KCNJ1: variants seen among roughly 807,000 people sequenced by gnomAD.
The protein encoded by KCNJ1 is potassium inwardly rectifying channel subfamily J member 1.
In KCNJ1, 24 loss-of-function variants were observed where a neutral mutation model predicts 21.9. The ratio of observed to expected loss-of-function variants is 1.10; its 90% CI spans 0.79 to 1.54. The LOEUF (loss-of-function observed/expected upper bound fraction) is 1.54. Among genes scored for constraint, KCNJ1 ranks in the 40% most tolerant of loss-of-function variants. The pLI is 0.00. For synonymous variants in KCNJ1, 152 were observed against 160.9 expected (o/e 0.94, Z 0.42); for missense variants, 457 against 455.4 (o/e 1.00, Z -0.03).
chr11:128,852,951 C>T (rs544374001), intron 1 of KCNJ1, among the ~76,000 whole-genome samples: 5 of 152,384 alleles, frequency 3.3e-5, no homozygotes, highest in South Asian at 2.1e-4. Context: ...GGCCTGCTGA[C>T]GCACTTTCTC....
At chr11:128,846,584 G>C (rs1943383955) in intron 2 of KCNJ1, among the ~76,000 whole-genome samples, 3 of 152,168 alleles carry the variant, frequency 2.0e-5, no homozygotes, top group Admixed American at 1.3e-4. Flanking sequence ...CGCAACAGAA[G>C]ATCTGGAAAA....
chr11:128,860,618 G>A (rs903770471), intron 1 of KCNJ1, among the ~76,000 whole-genome samples: 2 of 152,220 alleles, frequency 1.3e-5, no homozygotes, highest in Non-Finnish European at 2.9e-5. Flanking sequence ...GGTGGGCCTT[G>A]TAACCCACAT....
intron 2 of KCNJ1, among the ~76,000 whole-genome samples, chr11:128,849,793 C>G (rs964137587): frequency 1.3e-5 from 2 of 152,192 alleles, no homozygotes; most frequent in African/African-American, 4.8e-5. Context: ...TTAGGGACAT[C>G]TGTAGGCCTC....
chr11:128,841,931 GATGGTGC>G (rs1943289762), intron 2 of KCNJ1, among the ~76,000 whole-genome samples: 1 of 152,204 alleles, frequency 6.6e-6, no homozygotes, highest in Non-Finnish European at 1.5e-5. Flanking sequence ...AGGATTAGGG[GATGGTGC>G]ATGTGAGGTA....
chr11:128,860,242 A>G (rs1943679396), intron 1 of KCNJ1, among the ~76,000 whole-genome samples: 1 of 152,254 alleles, frequency 6.6e-6, no homozygotes, highest in African/African-American at 2.4e-5. Context: ...GCGACACTAT[A>G]GAAACATGAC....
intron 1 of KCNJ1, among the ~76,000 whole-genome samples, chr11:128,864,180 G>A (rs965224719): frequency 4.3e-5 from 6 of 138,838 alleles, no homozygotes; most frequent in Non-Finnish European, 6.1e-5. Context: ...TCCGCCTCCC[G>A]GGTTCAAGCA....
chr11:128,846,050 C>T (rs1263524861), intron 2 of KCNJ1, among the ~76,000 whole-genome samples: 1 of 152,154 alleles, frequency 6.6e-6, no homozygotes, highest in Admixed American at 6.6e-5. Flanking sequence ...ATAACTTGTC[C>T]TTTTGTGCAC....
chr11:128,855,919 C>G (rs1294834747), intron 1 of KCNJ1, among the ~76,000 whole-genome samples: 1 of 152,224 alleles, frequency 6.6e-6, no homozygotes, highest in Non-Finnish European at 1.5e-5. Context: ...CTGCCAGACC[C>G]AAGGACGGTA....
In KCNJ1 at chr11:128,850,892, T is replaced by A. The variant is rs1943468381; in HGVS notation, c.-191-2A>T. 1 of 985,110 alleles carries A rather than the reference T, an allele frequency of 1.0e-6. No individual in the cohort carries two copies. The highest frequency in any genetic ancestry group is 6.2e-5 in the Admixed American group (1 of 16,260). The allele number at this position is 985,110 out of a possible 1,614,324, so 61.0% of individuals were successfully genotyped here. ...ATGAAGGCACAGTAGAGAAGAAACC[T>A]GGTAAAATACAACACATATGGCTAC... is the stretch of plus-strand genomic sequence containing the variant. On this transcript the variant is annotated splice_acceptor_variant, in intron 1 of 2. Transcript: ENST00000392666. LOFTEE classifies it low-confidence loss of function (5UTR_SPLICE).
At chr11:128,855,107 T>C (rs1943562409) in intron 1 of KCNJ1, among the ~76,000 whole-genome samples, 1 of 152,102 alleles carries the variant, frequency 6.6e-6, no homozygotes. Flanking sequence ...AAACAAAAAA[T>C]AGTTGCTAAG....
At chr11:128,849,874 G>A (rs1240518823) in intron 2 of KCNJ1, among the ~76,000 whole-genome samples, 1 of 152,118 alleles carries the variant, frequency 6.6e-6, no homozygotes, top group Non-Finnish European at 1.5e-5. Flanking sequence ...GGGAAGAGGA[G>A]GCAACACCTC....
intron 1 of KCNJ1, among the ~76,000 whole-genome samples, chr11:128,853,787 C>T (rs1046766088): frequency 1.3e-5 from 2 of 152,236 alleles, no homozygotes; most frequent in Admixed American, 6.5e-5. Context: ...GTTGGAACCT[C>T]GGCTGAACTC....
At chr11:128,859,475 C>G (rs1943658077) in intron 1 of KCNJ1, among the ~76,000 whole-genome samples, 2 of 152,218 alleles carry the variant, frequency 1.3e-5, no homozygotes, top group African/African-American at 4.8e-5. Context: ...CCTTGAACTC[C>G]TGGCCTCCAG....
intron 2 of KCNJ1, among the ~76,000 whole-genome samples, chr11:128,841,768 G>GA (rs970969374): frequency 6.6e-6 from 1 of 152,170 alleles, no homozygotes; most frequent in African/African-American, 2.4e-5. Flanking sequence ...GCGGTGATGA[G>GA]AAAACCACAG....
In KCNJ1 at chr11:128,848,467, C is replaced by T. The variant is rs188458565; in HGVS notation, c.-22+2254G>A. Among the ~76,000 whole-genome samples the T allele has an allele frequency of 3.0e-3, 463 of 152,198 alleles. 4 individuals carry two copies. Among genetic ancestry groups the T allele is most frequent in the African/African-American group, 0.011 (438 of 41,526 alleles). The stretch of plus-strand genomic sequence containing the variant: ...TCAGCCTCCCAAAGTGCTGAGATTA[C>T]GGGTGTGAGCCACCATGCCTGGCCT... On this transcript the variant is annotated intron_variant, in intron 2 of 2. Transcript: ENST00000392666.
chr11:128,844,412 A>T (rs1203983013), intron 2 of KCNJ1, among the ~76,000 whole-genome samples: 1 of 152,276 alleles, frequency 6.6e-6, no homozygotes, highest in Non-Finnish European at 1.5e-5. Context: ...ACTGTTATAA[A>T]GAACATTGTT....
At chr11:128,847,679 G>T (rs1312885167) in intron 2 of KCNJ1, among the ~76,000 whole-genome samples, 2 of 152,166 alleles carry the variant, frequency 1.3e-5, no homozygotes, top group African/African-American at 4.8e-5. Context: ...GGGTCCCAGT[G>T]GGAAGCGCTG....
At chr11:128,846,382 A>T (rs1337056257) in intron 2 of KCNJ1, among the ~76,000 whole-genome samples, 5 of 152,198 alleles carry the variant, frequency 3.3e-5, no homozygotes, top group Admixed American at 2.0e-4. Context: ...CTGGTTCCCA[A>T]ATTTCAAACT....
chr11:128,840,209 C>T lies in KCNJ1; in HGVS notation c.35G>A (p.Arg12His), dbSNP rs566704910. 223 of 1,614,114 alleles carry T rather than the reference C, an allele frequency of 1.4e-4. 3 individuals are homozygous for T. The South Asian group carries it at 1.9e-3, about 14-fold the overall frequency. The change falls in exon 3 of 3, where the codon CGC becomes CAC. Residue 12 changes from arginine (R) to histidine (H), a missense_variant. Transcript: ENST00000392666. ...FKHLRKWVVT[R>H]FFGHSRQRAR... ...TCTTTGCCGAGAATGCCCAAAAAAG[C>T]GAGTGACGACCCATTTCCGAAGATG...
Sources: gnomAD v4.1 joint callset for allele counts (sites outside exome capture counted in the v4.1 genomes callset) on GRCh38, gnomAD v4.1.1 for gene constraint, MANE v1.5 for transcripts, NCBI Gene and HGNC (gene_info 2026-07-23, HGNC 2026-07-21) for gene names.